Variants in GSE1 observed in about 807,000 individuals in gnomAD.
GSE1 encodes Gse1 coiled-coil protein.
Under a neutral mutation model 112.6 loss-of-function variants are expected in GSE1, and 32 were observed. The ratio of observed to expected loss-of-function variants is 0.28; its 90% CI spans 0.21 to 0.38. The LOEUF is 0.38. Ranked by LOEUF, GSE1 falls within the 10% of genes least tolerant of loss-of-function variation. The probability of loss-of-function intolerance (pLI) is 1.00; values close to 1 mark genes in which losing one functional copy is unlikely to be tolerated. For synonymous variants in GSE1, 1,115 were observed against 735.6 expected, an observed-to-expected ratio of 1.52 and a Z score of -8.35; for missense variants, 2,348 against 1,699.2, an observed-to-expected ratio of 1.38 and a Z score of -6.71.
At chr16:85,309,734 C>T (rs2045781158) in intron 1 of GSE1, among the ~76,000 whole-genome samples, 1 of 152,216 alleles carries the variant, frequency 6.6e-6, no homozygotes, top group South Asian at 2.1e-4. Flanking sequence ...TCAGTGCTGT[C>T]GCGGTGCTGC....
intron 1 of GSE1, among the ~76,000 whole-genome samples, chr16:85,618,955 T>G (rs1053955703): frequency 2.0e-5 from 3 of 152,254 alleles, no homozygotes; most frequent in Admixed American, 1.3e-4. Context: ...TGAGCCACTG[T>G]GTCCAGCTTG....
intron 1 of GSE1, among the ~76,000 whole-genome samples, chr16:85,299,960 C>CA (rs949945383): frequency 4.8e-5 from 7 of 147,046 alleles, no homozygotes; most frequent in African/African-American, 1.8e-4. Flanking sequence ...AACAACCCAA[C>CA]AAAAAAAGCT....
At chr16:85,429,090 C>T (rs76002013) in intron 2 of GSE1, among the ~76,000 whole-genome samples, 4,461 of 152,324 alleles carry the variant, frequency 0.029, 227 homozygotes, top group African/African-American at 0.1. Flanking sequence ...GCATCACTCA[C>T]GGTAAACAGC....
At chr16:85,402,867 G>A (rs966167422) in intron 2 of GSE1, among the ~76,000 whole-genome samples, 3 of 151,758 alleles carry the variant, frequency 2.0e-5, no homozygotes, top group Non-Finnish European at 4.4e-5. Context: ...AGTGAGCTTT[G>A]ATTGTGCCAC....
intron 2 of GSE1, among the ~76,000 whole-genome samples, chr16:85,638,060 C>T (rs1373839616): frequency 6.6e-6 from 1 of 152,172 alleles, no homozygotes; most frequent in Non-Finnish European, 1.5e-5. Flanking sequence ...GGGCCCCAGC[C>T]GCCTGCGGCA....
At chr16:85,210,549 A>G (rs1027746007) in intron 1 of GSE1, among the ~76,000 whole-genome samples, 2 of 152,096 alleles carry the variant, frequency 1.3e-5, no homozygotes, top group African/African-American at 4.8e-5. Context: ...TGATTGCACC[A>G]CTGTGCTCCA....
chr16:85,652,301 GCCACTCCC>G (rs1184604088), intron 3 of GSE1, among the ~76,000 whole-genome samples: 2 of 152,228 alleles, frequency 1.3e-5, no homozygotes, highest in African/African-American at 2.4e-5. Context: ...TGGCCCCTCG[GCCACTCCC>G]CCACTACCCC....
intron 1 of GSE1, among the ~76,000 whole-genome samples, chr16:85,247,636 G>A (rs1478303933): frequency 6.6e-6 from 1 of 152,254 alleles, no homozygotes; most frequent in Non-Finnish European, 1.5e-5. Context: ...GCCTGTCCTG[G>A]GGTTTAGCAG....
chr16:85,313,035 GC>G (rs2045896026), intron 1 of GSE1, among the ~76,000 whole-genome samples: 1 of 152,162 alleles, frequency 6.6e-6, no homozygotes, highest in Non-Finnish European at 1.5e-5. Context: ...AGGAGCCACT[GC>G]CCGGCTGATA....
chr16:85,500,382 G>C (rs1420985605), intron 2 of GSE1, among the ~76,000 whole-genome samples: 4 of 152,216 alleles, frequency 2.6e-5, no homozygotes, highest in African/African-American at 9.7e-5. Flanking sequence ...CTTGGGGAAG[G>C]GGAAGTGCAC....
At chr16:85,235,580 G>T (rs1178440120) in intron 1 of GSE1, among the ~76,000 whole-genome samples, 24 of 150,402 alleles carry the variant, frequency 1.6e-4, no homozygotes, top group East Asian at 1.4e-3. Context: ...TGTGGGTGGG[G>T]GGGGGGCGCG....
At chr16:85,361,077 AC>A (rs1261029832) in intron 2 of GSE1, among the ~76,000 whole-genome samples, 1 of 151,408 alleles carries the variant, frequency 6.6e-6, no homozygotes, top group Non-Finnish European at 1.5e-5. Flanking sequence ...TACACAGAGT[AC>A]CCCCACAAAC....
chr16:85,254,360 T>G (rs1346214493), intron 1 of GSE1, among the ~76,000 whole-genome samples: 2 of 152,176 alleles, frequency 1.3e-5, no homozygotes, highest in African/African-American at 4.8e-5. Context: ...CTCCTGGCTG[T>G]CTGGACTGGG....
At chr16:85,401,267 A>G (rs1001396006) in intron 2 of GSE1, among the ~76,000 whole-genome samples, 141 of 152,078 alleles carry the variant, frequency 9.3e-4, no homozygotes, top group African/African-American at 3.3e-3. Context: ...GTCAGTAAAT[A>G]AAAAGATTCT....
intron 9 of GSE1, chr16:85,662,748 C>G: frequency 1.9e-6 from 1 of 529,116 alleles, no homozygotes; most frequent in Non-Finnish European, 3.4e-6. Context: ...AGGGGACCAC[C>G]CAGCTACTGG....
intron 1 of GSE1, among the ~76,000 whole-genome samples, chr16:85,209,165 C>A (rs905569372): frequency 1.3e-5 from 2 of 152,198 alleles, no homozygotes; most frequent in African/African-American, 4.8e-5. Context: ...CTGTTCTCTG[C>A]TCACTGTGGC....
At chr16:85,613,975 C>G (rs1239462517) in intron 1 of GSE1, among the ~76,000 whole-genome samples, 2 of 151,674 alleles carry the variant, frequency 1.3e-5, no homozygotes, top group East Asian at 2.0e-4. Context: ...GGACCGCAGC[C>G]TGCCGGGTTT....
At chr16:85,206,713 C>T (rs2075123464) in intron 1 of GSE1, among the ~76,000 whole-genome samples, 1 of 151,826 alleles carries the variant, frequency 6.6e-6, no homozygotes, top group South Asian at 2.1e-4. Flanking sequence ...CAGCAGGCCC[C>T]ATTCATTCAC....
At chr16:85,297,150 C>T (rs781316435) in intron 1 of GSE1, among the ~76,000 whole-genome samples, 6 of 152,250 alleles carry the variant, frequency 3.9e-5, no homozygotes, top group Non-Finnish European at 7.3e-5. Context: ...AGGCTGGCAC[C>T]CTCCAGGGTT....
Sources: gnomAD v4.1 joint callset for allele counts (sites outside exome capture counted in the v4.1 genomes callset) on GRCh38, gnomAD v4.1.1 for gene constraint, MANE v1.5 for transcripts, NCBI Gene and HGNC (gene_info 2026-07-23, HGNC 2026-07-21) for gene names.